The following KCNH1 variants were observed in gnomAD, a reference collection of about 807,000 sequenced individuals.
The protein encoded by KCNH1 is voltage-gated delayed rectifier potassium channel KCNH1.
KCNH1 carries 27 observed loss-of-function variants against 69.2 expected under a neutral mutation model. That is an observed-to-expected ratio of 0.39 (90% CI 0.29 to 0.54). The LOEUF (loss-of-function observed/expected upper bound fraction) is 0.54. Among genes scored for constraint, KCNH1 ranks in the 20% least tolerant of loss-of-function variants. The pLI is 0.68. For synonymous variants in KCNH1, 456 were observed against 487.7 expected, an observed-to-expected ratio of 0.93 and a Z score of 0.86; for missense variants, 798 against 1,261.6, an observed-to-expected ratio of 0.63 and a Z score of 5.57.
At chr1:210,713,484 T>C (rs1682129374) in intron 10 of KCNH1, among the ~76,000 whole-genome samples, 1 of 152,200 alleles carries the variant, frequency 6.6e-6, no homozygotes, top group Non-Finnish European at 1.5e-5. Context: ...GCCAGGACTG[T>C]GGTAGGCTCT....
intron 9 of KCNH1, among the ~76,000 whole-genome samples, chr1:210,779,662 G>T (rs746176191): frequency 2.0e-5 from 3 of 152,038 alleles, no homozygotes; most frequent in Non-Finnish European, 4.4e-5. Flanking sequence ...TCTGGGTGCA[G>T]AATGTTAAAA....
At chr1:210,837,646 C>A (rs1261565574) in intron 7 of KCNH1, among the ~76,000 whole-genome samples, 1 of 152,162 alleles carries the variant, frequency 6.6e-6, no homozygotes, top group Non-Finnish European at 1.5e-5. Flanking sequence ...ACAGACCACA[C>A]AAAGTAGTAG....
chr1:210,937,910 G>A (rs1182969125), intron 6 of KCNH1, among the ~76,000 whole-genome samples: 1 of 152,080 alleles, frequency 6.6e-6, no homozygotes, highest in African/African-American at 2.4e-5. Context: ...TCTCAATATA[G>A]ACCCTTTCCC....
At chr1:211,068,432 G>A (rs564466460) in intron 5 of KCNH1, among the ~76,000 whole-genome samples, 2 of 151,772 alleles carry the variant, frequency 1.3e-5, no homozygotes, top group East Asian at 1.9e-4. Context: ...GTCTTGCTCT[G>A]TCGCCCAGGC....
At chr1:210,802,056 C>A (rs935626381) in intron 8 of KCNH1, among the ~76,000 whole-genome samples, 7 of 152,306 alleles carry the variant, frequency 4.6e-5, no homozygotes, top group South Asian at 4.1e-4. Flanking sequence ...GTGCTTACCC[C>A]CTTCAAGAAG....
chr1:210,754,978 G>C (rs557036842), intron 10 of KCNH1, among the ~76,000 whole-genome samples: 1 of 152,118 alleles, frequency 6.6e-6, no homozygotes, highest in African/African-American at 2.4e-5. Flanking sequence ...ATGGGTGTGG[G>C]AGCATGCATG....
chr1:211,018,745 A>T, intron 6 of KCNH1, 38 bp downstream of exon 6: 2 of 1,499,120 alleles, frequency 1.3e-6, no homozygotes, highest in Non-Finnish European at 1.8e-6. Context: ...CTCAGTTTTA[A>T]AGACATGACA....
intron 7 of KCNH1, among the ~76,000 whole-genome samples, chr1:210,906,138 C>T (rs555585613): frequency 4.6e-5 from 7 of 152,348 alleles, no homozygotes; most frequent in African/African-American, 1.7e-4. Flanking sequence ...GCAGGGCTGG[C>T]TGTAGAAAGG....
chr1:210,915,469 T>C (rs1175280164), intron 7 of KCNH1, among the ~76,000 whole-genome samples: 2 of 151,996 alleles, frequency 1.3e-5, no homozygotes, highest in Non-Finnish European at 2.9e-5. Flanking sequence ...AGAGATTACA[T>C]GGGAGAAAAT....
intron 10 of KCNH1, among the ~76,000 whole-genome samples, chr1:210,754,551 G>C (rs1200129197): frequency 6.6e-6 from 1 of 152,062 alleles, no homozygotes; most frequent in Non-Finnish European, 1.5e-5. Context: ...GATTGGTGCT[G>C]TTCTTATGAT....
intron 6 of KCNH1, among the ~76,000 whole-genome samples, chr1:210,941,995 C>G (rs562080685): frequency 1.3e-5 from 2 of 152,294 alleles, no homozygotes; most frequent in South Asian, 2.1e-4. Flanking sequence ...TTCCATGAAG[C>G]AACTGAGAGA....
intron 6 of KCNH1, among the ~76,000 whole-genome samples, chr1:210,998,225 CAA>C (rs1234017905): frequency 6.6e-6 from 1 of 152,104 alleles, no homozygotes; most frequent in African/African-American, 2.4e-5. Context: ...GCAAATTGGA[CAA>C]AGAGTCAAGA....
chr1:211,019,044 C>G lies in KCNH1; in HGVS notation c.771G>C (p.Val257=), dbSNP rs899094347. 1.2e-5 allele frequency: 20 copies of G among 1,613,938 alleles called. No homozygotes were observed. Among genetic ancestry groups the G allele is most frequent in the Non-Finnish European group, 1.7e-5 (20 of 1,179,938 alleles). Residue 257 remains valine (V), a synonymous_variant, in exon 6 of 11, where the codon GTG becomes GTC. Coordinates refer to ENST00000271751, the MANE Select transcript of KCNH1 (RefSeq NM_172362.3). The part of the protein sequence containing the change: ...NVAWLVVDSI[V]DVIFLVDIVL... ...CAATGTCCACCAAAAAGATAACATC[C>G]ACGATGCTATCAACAACCAGCCAGG...
rs1681285907 is a variant in KCNH1, at chr1:210,682,223, C to T, written c.*1058G>A. On this transcript the variant is annotated 3_prime_UTR_variant, in exon 11 of 11. Transcript: ENST00000271751. ...CTTTAAAATAAGGCCCAGCATGGCT[C>T]CCAAGTGCCTATAATGACCCCGTGC... 6.6e-6 allele frequency: 1 copy of T among 152,166 alleles called. No homozygotes were observed. The highest frequency in any genetic ancestry group is 6.5e-5 in the Admixed American group (1 of 15,276). The allele number at this position is 152,166 out of a possible 1,614,324, so 9.4% of individuals were successfully genotyped here. A position where few individuals can be genotyped will look rare whatever the true frequency, so the allele number is the denominator to read the frequency against.
At position 210,988,857 on chromosome 1, in the gene KCNH1, A is replaced by G. The variant is rs79783955; in HGVS notation, c.1032+29926T>C. On this transcript the variant is annotated intron_variant, in intron 6 of 10. Transcript: ENST00000271751. ...TTTTATGATTTGCTGCCTGCTTGAG[A>G]TTAGACCTGACAATGTTCAATAAAG... Among the ~76,000 whole-genome samples, 133 of 152,354 alleles carry G rather than the reference A, an allele frequency of 8.7e-4. 2 individuals carry two copies. In the East Asian group the frequency reaches 0.021, roughly 24 times the overall value.
At chr1:211,069,279 TCCCCCAC>T (rs974581289) in intron 5 of KCNH1, among the ~76,000 whole-genome samples, 3 of 70,728 alleles carry the variant, frequency 4.2e-5, no homozygotes, top group Non-Finnish European at 7.9e-5. Flanking sequence ...AGAACATTCC[TCCCCCAC>T]CCCCCACCCT....
intron 7 of KCNH1, among the ~76,000 whole-genome samples, chr1:210,873,016 A>C (rs1442557230): frequency 6.6e-6 from 1 of 152,210 alleles, no homozygotes; most frequent in Admixed American, 6.5e-5. Flanking sequence ...TCAAAGTCCT[A>C]CTATTCCTTT....
At chr1:210,752,388 G>A (rs992083458) in intron 10 of KCNH1, among the ~76,000 whole-genome samples, 8 of 152,146 alleles carry the variant, frequency 5.3e-5, no homozygotes, top group Admixed American at 2.6e-4. Context: ...CCTGATGTCC[G>A]CTGTGCTTTG....
At chr1:210,966,722 G>A (rs1408021892) in intron 6 of KCNH1, among the ~76,000 whole-genome samples, 1 of 152,204 alleles carries the variant, frequency 6.6e-6, no homozygotes, top group Non-Finnish European at 1.5e-5. Flanking sequence ...AACAACAGAT[G>A]CTGGAGAGGA....
Sources: gnomAD v4.1 joint callset for allele counts (sites outside exome capture counted in the v4.1 genomes callset) on GRCh38, gnomAD v4.1.1 for gene constraint, MANE v1.5 for transcripts, NCBI Gene and HGNC (gene_info 2026-07-23, HGNC 2026-07-21) for gene names.